Variants in EYA2 observed in about 807,000 individuals in gnomAD.
The protein encoded by EYA2 is EYA transcriptional coactivator and phosphatase 2, also known as protein phosphatase EYA2.
A neutral mutation model predicts 69.2 loss-of-function variants in EYA2; 31 were observed. The ratio of observed to expected loss-of-function variants is 0.45; its 90% CI spans 0.34 to 0.60. The LOEUF (loss-of-function observed/expected upper bound fraction) is 0.60. Among genes scored for constraint, EYA2 ranks in the 20% least tolerant of loss-of-function variants. The pLI is 0.02. For missense variants in EYA2, 622 were observed against 701.2 expected, an observed-to-expected ratio of 0.89 and a Z score of 1.28; for synonymous variants, 257 against 279.4, an observed-to-expected ratio of 0.92 and a Z score of 0.80.
At position 47,161,664 on chromosome 20, in the gene EYA2, T is replaced by C. The variant is rs73913836; in HGVS notation, c.979-7475T>C. ...GAAGCCTCCACAGAAGCCACCGTGG[T>C]TCCCCATCCCAGGGTCCCCAGGGCC... On this transcript the variant is annotated intron_variant, in intron 10 of 15. Transcript: ENST00000327619. 8.1e-3 allele frequency: 1,605 copies of C among 198,366 alleles called. 35 individuals are homozygous for C. Among genetic ancestry groups the C allele is most frequent in the African/African-American group, 0.035 (1,478 of 42,284 alleles). The allele number at this position is 198,366 out of a possible 1,614,324, so 12.3% of individuals were successfully genotyped here.
At chr20:47,130,020 C>T (rs1042295833) in intron 9 of EYA2, among the ~76,000 whole-genome samples, 2 of 151,734 alleles carry the variant, frequency 1.3e-5, no homozygotes, top group African/African-American at 4.8e-5. Context: ...TGTCCCCCTC[C>T]AACCCCCACC....
intron 15 of EYA2, among the ~76,000 whole-genome samples, chr20:47,184,770 C>G (rs868464336): frequency 1.5e-4 from 23 of 152,096 alleles, no homozygotes; most frequent in African/African-American, 5.3e-4. Flanking sequence ...ATTAATTTGC[C>G]TAGGGTCACA....
At chr20:47,105,578 T>C (rs1337566948) in intron 9 of EYA2, among the ~76,000 whole-genome samples, 2 of 141,692 alleles carry the variant, frequency 1.4e-5, no homozygotes, top group Non-Finnish European at 1.5e-5. Flanking sequence ...TGAGCTGAGA[T>C]CACGCCACTG....
At chr20:47,167,944 C>A (rs781512236) in intron 10 of EYA2, among the ~76,000 whole-genome samples, 9 of 152,168 alleles carry the variant, frequency 5.9e-5, no homozygotes, top group Non-Finnish European at 1.0e-4. Context: ...AGATCGCATG[C>A]TCATGGCATC....
intron 1 of EYA2, among the ~76,000 whole-genome samples, chr20:46,971,032 T>C (rs1303479069): frequency 6.6e-6 from 1 of 151,976 alleles, no homozygotes; most frequent in African/African-American, 2.4e-5. Context: ...GCTCATTAGA[T>C]GAGTCTGAGT....
chr20:47,001,490 T>G lies in EYA2; in HGVS notation c.155+17T>G. The G allele has an allele frequency of 1.2e-6, 2 of 1,613,712 alleles. No homozygotes were observed. The highest frequency in any genetic ancestry group is 2.2e-5 in the South Asian group (2 of 91,070). ...CTTCTCCAGGTGAGTGCCATTCACTTGTCTCCTGCTCACATGCCCACCTTT... is the reference window on the plus strand; with the variant it reads ...CTTCTCCAGGTGAGTGCCATTCACTGGTCTCCTGCTCACATGCCCACCTTT... On this transcript the variant is annotated intron_variant, in intron 3 of 15. Transcript: ENST00000327619.
At chr20:46,993,316 C>T (rs1448826990) in intron 2 of EYA2, among the ~76,000 whole-genome samples, 2 of 152,236 alleles carry the variant, frequency 1.3e-5, no homozygotes, top group Non-Finnish European at 2.9e-5. Context: ...TCCCTGGAAG[C>T]CTCCCAAACT....
chr20:47,143,432 C>T (rs1057132653), intron 10 of EYA2, among the ~76,000 whole-genome samples: 2 of 152,086 alleles, frequency 1.3e-5, no homozygotes, highest in Non-Finnish European at 2.9e-5. Context: ...TTTTACTAAT[C>T]CAATAATGGC....
intron 5 of EYA2, among the ~76,000 whole-genome samples, chr20:47,043,935 A>T (rs2029902483): frequency 6.6e-6 from 1 of 152,222 alleles, no homozygotes. Flanking sequence ...GTTCAACATT[A>T]CGAGGTGTTT....
At chr20:47,086,442 T>C (rs1568769219) in intron 7 of EYA2, among the ~76,000 whole-genome samples, 1 of 152,166 alleles carries the variant, frequency 6.6e-6, no homozygotes, top group Non-Finnish European at 1.5e-5. Context: ...TGGCATCTGC[T>C]CAGCTTCTGG....
At chr20:46,946,849 G>C (rs925069362) in intron 1 of EYA2, among the ~76,000 whole-genome samples, 2 of 130,560 alleles carry the variant, frequency 1.5e-5, no homozygotes, top group Admixed American at 8.9e-5. Context: ...TAGATCTAAA[G>C]AGTCAGTTCT....
chr20:47,165,210 T>C (rs2034157437), intron 10 of EYA2, among the ~76,000 whole-genome samples: 1 of 152,094 alleles, frequency 6.6e-6, no homozygotes. Context: ...ATGTGGAGGG[T>C]ATCATCGTGC....
intron 1 of EYA2, among the ~76,000 whole-genome samples, chr20:46,956,784 T>G (rs1979150525): frequency 6.6e-6 from 1 of 152,212 alleles, no homozygotes; most frequent in South Asian, 2.1e-4. Context: ...AAGACATGCC[T>G]GAGACTGGAT....
At chr20:47,071,607 C>T (rs2031316551) in intron 5 of EYA2, among the ~76,000 whole-genome samples, 1 of 152,142 alleles carries the variant, frequency 6.6e-6, no homozygotes, top group African/African-American at 2.4e-5. Context: ...TTTTTAAAAA[C>T]ATAATTATTA....
At chr20:46,990,611 A>G (rs1291986480) in intron 2 of EYA2, among the ~76,000 whole-genome samples, 1 of 152,240 alleles carries the variant, frequency 6.6e-6, no homozygotes, top group Non-Finnish European at 1.5e-5. Flanking sequence ...GTTGTTTAAA[A>G]AACTATTGGC....
intron 14 of EYA2, among the ~76,000 whole-genome samples, chr20:47,181,393 C>T (rs1049330940): frequency 1.3e-5 from 2 of 152,200 alleles, no homozygotes; most frequent in African/African-American, 4.8e-5. Context: ...AGCCCATCCT[C>T]ATTCTAGCAG....
chr20:47,063,544 A>C (rs2030989571), intron 5 of EYA2, among the ~76,000 whole-genome samples: 1 of 152,112 alleles, frequency 6.6e-6, no homozygotes, highest in South Asian at 2.1e-4. Context: ...ACACCCAAGT[A>C]ACAAAAGAAT....
chr20:47,143,043 C>T lies in EYA2; in HGVS notation c.889-16C>T, dbSNP rs773129423. 4.3e-6 allele frequency: 7 copies of T among 1,609,918 alleles called. No homozygotes were observed. The highest frequency in any genetic ancestry group is 5.9e-6 in the Non-Finnish European group (7 of 1,178,006). Reference sequence around the variant, plus strand: ...GGCTCCGCGTGCATGTGATTTTCCCCTTCTCTGCCTCGCAGGACACCACGA... The same window carrying T: ...GGCTCCGCGTGCATGTGATTTTCCCTTTCTCTGCCTCGCAGGACACCACGA... On this transcript the variant is annotated splice_polypyrimidine_tract_variant and intron_variant, in intron 9 of 15. Transcript: ENST00000327619.
intron 9 of EYA2, among the ~76,000 whole-genome samples, chr20:47,133,653 G>A (rs2033394550): frequency 6.6e-6 from 1 of 152,178 alleles, no homozygotes; most frequent in Admixed American, 6.6e-5. Flanking sequence ...ATTAAAATCT[G>A]CAAGGGGAAG....
Sources: allele counts gnomAD v4.1 joint callset (sites outside exome capture counted in the v4.1 genomes callset), GRCh38; gene constraint gnomAD v4.1.1; transcripts MANE v1.5; gene names NCBI Gene and HGNC (gene_info 2026-07-23, HGNC 2026-07-21).